CD276: variants seen among roughly 807,000 people sequenced by gnomAD.
CD276 encodes the protein CD276 molecule, also known as CD276 antigen.
In CD276, 34 loss-of-function variants were observed where a neutral mutation model predicts 50.0. That is an observed-to-expected ratio of 0.68 (90% confidence interval 0.52 to 0.91). The LOEUF (loss-of-function observed/expected upper bound fraction) is 0.91. Among genes scored for constraint, CD276 ranks in the 40% least tolerant of loss-of-function variants. The pLI is 0.00. For synonymous variants in CD276, 275 were observed against 313.0 expected, an observed-to-expected ratio of 0.88 and a Z score of 1.28; for missense variants, 634 against 717.5, an observed-to-expected ratio of 0.88 and a Z score of 1.33.
chr15:73,703,181 A>G, intron 4 of CD276, 95 bp downstream of exon 4: 3 of 1,386,406 alleles, frequency 2.2e-6, no homozygotes, highest in African/African-American at 1.4e-5. Flanking sequence ...TCAATCTCCC[A>G]GAACAGCAAG....
At chr15:73,700,847 C>T (rs540319199) in intron 2 of CD276, among the ~76,000 whole-genome samples, 70 of 134,666 alleles carry the variant, frequency 5.2e-4, no homozygotes, top group African/African-American at 1.5e-3. Flanking sequence ...TAACCATTAC[C>T]GGAGAATGGT....
rs1395988189 is a variant in CD276, at chr15:73,704,910, G to A, written c.1369+438G>A. ...CCTCCCTAGTTAGTCCCCAACACCTGAGTCAACGTCAGCTCTTCTTCCTGC... is the reference window on the plus strand; with the variant it reads ...CCTCCCTAGTTAGTCCCCAACACCTAAGTCAACGTCAGCTCTTCTTCCTGC... On this transcript the variant is annotated intron_variant, in intron 6 of 9. Coordinates refer to ENST00000318443, the MANE Select transcript of CD276 (RefSeq NM_001024736.2). The surrounding 1 kb of genome is among the most constrained non-coding windows in gnomAD (Gnocchi z 4.1). 6.6e-6 allele frequency among the ~76,000 whole-genome samples: 1 copy of A among 152,224 alleles called. No individual in the cohort carries two copies. The highest frequency in any genetic ancestry group is 1.9e-4 in the East Asian group (1 of 5,190).
intron 6 of CD276, among the ~76,000 whole-genome samples, chr15:73,705,381 T>C (rs1453929419): frequency 1.3e-5 from 2 of 152,194 alleles, no homozygotes; most frequent in Non-Finnish European, 2.9e-5. Context: ...GACTCACTTA[T>C]TCCTGTCCTC....
At position 73,708,391 on chromosome 15, in the gene CD276, T is replaced by G; in HGVS notation, c.1422T>G (p.Ser474=). 1 of 1,614,112 alleles carries G rather than the reference T, an allele frequency of 6.2e-7. No homozygotes were observed. Among genetic ancestry groups the G allele is most frequent in the Non-Finnish European group, 8.5e-7 (1 of 1,179,960 alleles). ...CCCTGTGGGTGACCGTGGGGCTGTC[T>G]GTCTGTCTCATTGCACTGCTGGTGG... ...PEALWVTVGL[S]VCLIALLVAL... is the part of the protein sequence containing the mutation. Residue 474 remains serine, a synonymous_variant, in exon 7 of 10, where the codon TCT becomes TCG. Transcript: ENST00000318443.
intron 4 of CD276, 68 bp downstream of exon 4, chr15:73,703,154 C>T (rs1900486202): frequency 7.4e-6 from 11 of 1,490,092 alleles, no homozygotes; most frequent in Middle Eastern, 1.7e-4. Context: ...TTGGGAGCTC[C>T]GAATCTGGCC....
At chr15:73,701,657 T>C (rs1900393426) in intron 2 of CD276, among the ~76,000 whole-genome samples, 2 of 152,208 alleles carry the variant, frequency 1.3e-5, no homozygotes, top group Admixed American at 1.3e-4. Context: ...TTAAAGAGCA[T>C]GTGCCTCACC....
intron 1 of CD276, among the ~76,000 whole-genome samples, chr15:73,686,514 A>C (rs780042215): frequency 2.6e-5 from 4 of 152,166 alleles, no homozygotes; most frequent in Non-Finnish European, 5.9e-5. Flanking sequence ...CCTTCAAAGT[A>C]GTCCTCTGGG....
At chr15:73,708,840 A>G (rs991978599) in intron 7 of CD276, among the ~76,000 whole-genome samples, 2 of 152,220 alleles carry the variant, frequency 1.3e-5, no homozygotes, top group African/African-American at 4.8e-5. Context: ...TGCGGCACAA[A>G]TGTAGGCATG....
At chr15:73,684,955 G>C (rs1899682719) in intron 1 of CD276, 1 of 152,452 alleles carries the variant, frequency 6.6e-6, no homozygotes, top group South Asian at 2.1e-4. Flanking sequence ...GAGGGGAGCG[G>C]CGGGGAGGGA....
At chr15:73,708,775 G>A (rs567604153) in intron 7 of CD276, 1 of 421,044 alleles carries the variant, frequency 2.4e-6, no homozygotes, top group Non-Finnish European at 4.4e-6. Context: ...GTGTGCCTGT[G>A]AAAGTGTAAG....
At chr15:73,685,140 T>C (rs1373259608) in intron 1 of CD276, 1 of 147,618 alleles carries the variant, frequency 6.8e-6, no homozygotes, top group African/African-American at 2.5e-5. Flanking sequence ...GGGGAGGGAA[T>C]TGGGATGGGC....
In CD276 at chr15:73,687,011, G is replaced by C. The variant is rs180857938; in HGVS notation, c.-55+2551G>C. Reference sequence around the variant, plus strand: ...TGTTAGGGAAGTCCACCAGCAAAAGGGGGAGGGCACACCCAGGGCCTAGGG... The same window carrying C: ...TGTTAGGGAAGTCCACCAGCAAAAGCGGGAGGGCACACCCAGGGCCTAGGG... On this transcript the variant is annotated intron_variant, in intron 1 of 9. Coordinates refer to ENST00000318443, the MANE Select transcript of CD276 (RefSeq NM_001024736.2). The surrounding 1 kb of genome is among the most constrained non-coding windows in gnomAD (Gnocchi z 4.0). Among the ~76,000 whole-genome samples, 337 of 152,242 alleles carry C rather than the reference G, an allele frequency of 2.2e-3. No homozygotes were observed. Among genetic ancestry groups the C allele is most frequent in the Admixed American group, 4.3e-3 (65 of 15,290 alleles).
chr15:73,707,853 A>T (rs1454201409), intron 6 of CD276, among the ~76,000 whole-genome samples: 2 of 152,214 alleles, frequency 1.3e-5, no homozygotes, highest in African/African-American at 4.8e-5. Context: ...CCTCTGGAGG[A>T]GGTGAATATT....
intron 9 of CD276, 30 bp downstream of exon 9, chr15:73,711,200 T>C (rs1900887660): frequency 6.2e-7 from 1 of 1,611,050 alleles, no homozygotes; most frequent in Non-Finnish European, 8.5e-7. Context: ...AGGTTGTGTC[T>C]GTGTATGCAC....
chr15:73,698,455 G>A (rs1366910181), intron 1 of CD276, among the ~76,000 whole-genome samples: 2 of 152,136 alleles, frequency 1.3e-5, no homozygotes, highest in African/African-American at 4.8e-5. Flanking sequence ...CTCTACCCAA[G>A]TCCTCAGATA....
At position 73,702,400 on chromosome 15, in the gene CD276, G is replaced by A. The variant is rs367578601; in HGVS notation, c.225G>A (p.Leu75=). Residue 75 remains leucine, a synonymous_variant, in exon 3 of 10, where the codon CTG becomes CTA. Transcript: ENST00000318443. ...LIWQLTDTKQ[L]VHSFAEGQDQ... is the part of the protein sequence containing the mutation. ...GGCAGCTGACAGATACCAAACAGCT[G>A]GTGCACAGCTTTGCTGAGGGCCAGG... 1.5e-5 allele frequency: 24 copies of A among 1,613,784 alleles called. No homozygotes were observed. The East Asian group carries it at 5.3e-4, about 36-fold the overall frequency.
intron 1 of CD276, 133 bp from the exon 2 acceptor site, chr15:73,699,453 C>T (rs887381011): frequency 9.5e-5 from 115 of 1,211,880 alleles, no homozygotes; most frequent in Non-Finnish European, 1.2e-4. Flanking sequence ...GCAGGGGGCC[C>T]GGTGGGATAT....
At chr15:73,699,325 T>C (rs553561953) in intron 1 of CD276, among the ~76,000 whole-genome samples, 14 of 152,234 alleles carry the variant, frequency 9.2e-5, no homozygotes, top group Admixed American at 6.5e-5. Context: ...TCCTCTTCCT[T>C]ATATTTGGAT....
At position 73,713,888 on chromosome 15, in the gene CD276, T is replaced by G. The variant is rs563112340; in HGVS notation, c.*932T>G. On this transcript the variant is annotated 3_prime_UTR_variant, in exon 10 of 10. Transcript: ENST00000318443. Reference sequence around the variant, plus strand: ...CAGATGTCAGCACTGTGTTAGGTGCTGGGGGCCCTGCGTGGGAAGATAAAG... The same window carrying G: ...CAGATGTCAGCACTGTGTTAGGTGCGGGGGGCCCTGCGTGGGAAGATAAAG... 6.6e-5 allele frequency: 26 copies of G among 392,448 alleles called. No individual in the cohort carries two copies. Among genetic ancestry groups the G allele is most frequent in the African/African-American group, 5.3e-4 (24 of 45,408 alleles). The allele number at this position is 392,448 out of a possible 1,614,324, so 24.3% of individuals were successfully genotyped here. A position where few individuals can be genotyped will look rare whatever the true frequency, so the allele number is the denominator to read the frequency against.
Sources: gnomAD v4.1 joint callset for allele counts (sites outside exome capture counted in the v4.1 genomes callset) on GRCh38, gnomAD v4.1.1 for gene constraint, Gnocchi (gnomAD v3.1) non-coding constraint, MANE v1.5 for transcripts, NCBI Gene and HGNC (gene_info 2026-07-23, HGNC 2026-07-21) for gene names.